The following GRID2 variants were observed in gnomAD, a reference collection of about 807,000 sequenced individuals.
GRID2 encodes the protein glutamate receptor ionotropic, delta-2.
GRID2 carries 33 observed loss-of-function variants against 114.8 expected under a neutral mutation model. The ratio of observed to expected loss-of-function variants is 0.29; its 90% CI spans 0.22 to 0.38. The LOEUF (loss-of-function observed/expected upper bound fraction) is 0.38. Among genes scored for constraint, GRID2 ranks in the 10% least tolerant of loss-of-function variants. The pLI, the probability that GRID2 is intolerant of heterozygous loss-of-function variation, is 1.00. For synonymous variants in GRID2, 505 were observed against 449.9 expected, an observed-to-expected ratio of 1.12 and a Z score of -1.55; for missense variants, 1,184 against 1,257.7, an observed-to-expected ratio of 0.94 and a Z score of 0.89.
At chr4:93,030,258 G>A (rs560467096) in intron 2 of GRID2, among the ~76,000 whole-genome samples, 9 of 151,696 alleles carry the variant, frequency 5.9e-5, no homozygotes, top group African/African-American at 9.7e-5. Flanking sequence ...CTTTTCTCCC[G>A]CTCTCCTTTC....
At chr4:93,400,537 G>T (rs115188598) in intron 9 of GRID2, among the ~76,000 whole-genome samples, 1 of 151,754 alleles carries the variant, frequency 6.6e-6, no homozygotes, top group Non-Finnish European at 1.5e-5. Flanking sequence ...TTGTTTTCAT[G>T]GTAATTCATG....
At chr4:93,125,463 T>C (rs1347460715) in intron 4 of GRID2, among the ~76,000 whole-genome samples, 1 of 152,128 alleles carries the variant, frequency 6.6e-6, no homozygotes, top group African/African-American at 2.4e-5. Flanking sequence ...AAGCTATTAA[T>C]TGATGGCTAG....
In GRID2 at chr4:93,627,180, A is replaced by G; in HGVS notation, c.2360+745A>G. 1.3e-5 allele frequency among the ~76,000 whole-genome samples: 2 copies of G among 152,214 alleles called. 1 individual carries two copies. The stretch of plus-strand genomic sequence containing the variant: ...TAAGACAGATTAATATCTTCCACAT[A>G]GAAGTATATCCATTTTATACTGAAA... On this transcript the variant is annotated intron_variant, in intron 14 of 15. Transcript: ENST00000282020.
At chr4:92,947,275 G>T (rs529334218) in intron 2 of GRID2, among the ~76,000 whole-genome samples, 132 of 152,066 alleles carry the variant, frequency 8.7e-4, no homozygotes, top group Middle Eastern at 3.4e-3. Flanking sequence ...GTCAGCATGC[G>T]TGTGTATTGT....
intron 2 of GRID2, among the ~76,000 whole-genome samples, chr4:93,057,799 T>G (rs1394761378): frequency 1.3e-5 from 2 of 151,922 alleles, no homozygotes; most frequent in Non-Finnish European, 1.5e-5. Context: ...TTATCTGCAT[T>G]TAATATTAAG....
rs531825283 is a variant in GRID2, at chr4:92,447,446, A to G, written c.89-142685A>G. Reference sequence around the variant, plus strand: ...GGTGTCAAGTGCTCTGAGTCACACTAGAGTCCCTTTAGATTTATTTCCCAA... The same window carrying G: ...GGTGTCAAGTGCTCTGAGTCACACTGGAGTCCCTTTAGATTTATTTCCCAA... On this transcript the variant is annotated intron_variant, in intron 1 of 15. Transcript: ENST00000282020. 2.2e-4 allele frequency among the ~76,000 whole-genome samples: 34 copies of G among 152,330 alleles called. No individual in the cohort carries two copies. The South Asian group carries it at 6.8e-3, about 31-fold the overall frequency.
chr4:93,513,661 G>T (rs1216035495), intron 12 of GRID2, among the ~76,000 whole-genome samples: 2 of 152,198 alleles, frequency 1.3e-5, no homozygotes, highest in Non-Finnish European at 2.9e-5. Flanking sequence ...TTATGCAACA[G>T]ATGTGTAGAG....
chr4:92,487,936 A>G, intron 1 of GRID2, among the ~76,000 whole-genome samples: 1 of 152,058 alleles, frequency 6.6e-6, no homozygotes. Context: ...AACATTTGAT[A>G]TTGCCCTATA....
intron 14 of GRID2, among the ~76,000 whole-genome samples, chr4:93,740,811 T>TG (rs1322660419): frequency 5.9e-5 from 9 of 151,748 alleles, no homozygotes; most frequent in African/African-American, 1.7e-4. Flanking sequence ...ATAGTCTACT[T>TG]GGGGGGGCAA....
intron 2 of GRID2, among the ~76,000 whole-genome samples, chr4:92,717,448 CT>C (rs1027580476): frequency 5.0e-4 from 76 of 152,144 alleles, no homozygotes; most frequent in African/African-American, 1.8e-3. Flanking sequence ...TGACAGGTGC[CT>C]GTCAAGAAAA....
chr4:93,716,677 A>C (rs1042192771), intron 14 of GRID2, among the ~76,000 whole-genome samples: 13 of 151,994 alleles, frequency 8.6e-5, no homozygotes, highest in African/African-American at 3.1e-4. Flanking sequence ...GAAAGTATAC[A>C]TATGATATAC....
chr4:92,577,242 A>G lies in GRID2; in HGVS notation c.89-12889A>G, dbSNP rs912705332. On this transcript the variant is annotated intron_variant, in intron 1 of 15. Transcript: ENST00000282020. Reference sequence around the variant, plus strand: ...ATGAGTCTTGAAAAAAAGACTGTGTAGAGTGTTAGATAATAGATTTCAAGA... The same window carrying G: ...ATGAGTCTTGAAAAAAAGACTGTGTGGAGTGTTAGATAATAGATTTCAAGA... Among the ~76,000 whole-genome samples the G allele has an allele frequency of 3.3e-5, 5 of 152,192 alleles. No individual in the cohort carries two copies. In the East Asian group the frequency reaches 7.7e-4, roughly 23 times the overall value.
chr4:92,455,830 A>C (rs1220591962), intron 1 of GRID2, among the ~76,000 whole-genome samples: 1 of 152,182 alleles, frequency 6.6e-6, no homozygotes, highest in Non-Finnish European at 1.5e-5. Flanking sequence ...TTGATACTAG[A>C]ATGCAATAGT....
intron 4 of GRID2, among the ~76,000 whole-genome samples, chr4:93,192,945 C>A (rs1158243780): frequency 6.6e-6 from 1 of 151,908 alleles, no homozygotes; most frequent in Non-Finnish European, 1.5e-5. Context: ...ATGTGTTACA[C>A]CAATGTGTCT....
At chr4:92,590,029 A>C in intron 1 of GRID2, 102 bp from the exon 2 acceptor site, 2 of 745,468 alleles carry the variant, frequency 2.7e-6, no homozygotes, top group South Asian at 3.5e-5. Context: ...CTCTAAGTGA[A>C]AGTATATGTT....
chr4:93,589,445 T>A (rs1737925079), intron 13 of GRID2, among the ~76,000 whole-genome samples: 1 of 152,046 alleles, frequency 6.6e-6, no homozygotes. Flanking sequence ...CTTAATCTAG[T>A]CTATCATTGT....
chr4:92,730,495 A>G (rs1423713542), intron 2 of GRID2, among the ~76,000 whole-genome samples: 4 of 151,980 alleles, frequency 2.6e-5, no homozygotes, highest in Non-Finnish European at 5.9e-5. Flanking sequence ...ATTCAGCTTC[A>G]TTTTGTAGCC....
chr4:92,681,739 T>A (rs1253049320), intron 2 of GRID2, among the ~76,000 whole-genome samples: 1 of 152,144 alleles, frequency 6.6e-6, no homozygotes, highest in Non-Finnish European at 1.5e-5. Flanking sequence ...TTTTACCAAT[T>A]GTAAATTTTT....
intron 13 of GRID2, among the ~76,000 whole-genome samples, chr4:93,587,716 A>T (rs1737688300): frequency 6.6e-6 from 1 of 152,000 alleles, no homozygotes; most frequent in Non-Finnish European, 1.5e-5. Context: ...TTTTACTCCA[A>T]TGGTAAAGAA....
Sources: gnomAD v4.1 joint callset for allele counts (sites outside exome capture counted in the v4.1 genomes callset) on GRCh38, gnomAD v4.1.1 for gene constraint, MANE v1.5 for transcripts, NCBI Gene and HGNC (gene_info 2026-07-23, HGNC 2026-07-21) for gene names.